TMTC2: variants seen among roughly 807,000 people sequenced by gnomAD.
TMTC2 encodes protein O-mannosyl-transferase TMTC2.
Under a neutral mutation model 82.4 loss-of-function variants are expected in TMTC2, and 43 were observed. The observed-to-expected ratio is 0.52, with a 90% confidence interval of 0.41 to 0.67. The LOEUF (loss-of-function observed/expected upper bound fraction) is 0.67. Among genes scored for constraint, TMTC2 ranks in the 30% least tolerant of loss-of-function variants. TMTC2 has a pLI of 0.00. For missense variants in TMTC2, 919 were observed against 1,012.4 expected (o/e 0.91, Z 1.25); for synonymous variants, 408 against 381.9 (o/e 1.07, Z -0.80).
At chr12:82,899,551 T>C (rs955078088) in intron 3 of TMTC2, among the ~76,000 whole-genome samples, 1 of 143,850 alleles carries the variant, frequency 7.0e-6, no homozygotes, top group Non-Finnish European at 1.5e-5. Flanking sequence ...AATATATATA[T>C]ATAAGAATAT....
chr12:82,935,139 T>C (rs139622278), intron 4 of TMTC2, among the ~76,000 whole-genome samples: 164 of 152,266 alleles, frequency 1.1e-3, no homozygotes, highest in Admixed American at 4.2e-3. Flanking sequence ...AAAAATATCA[T>C]TGGGTTTGCA....
intron 4 of TMTC2, among the ~76,000 whole-genome samples, chr12:82,937,750 GTATATATATATATATATA>G (rs1162321741): frequency 0.02 from 2,146 of 105,852 alleles, 49 homozygotes; most frequent in South Asian, 0.044. Context: ...GTGTGTGTGT[GTATATATATATATATATA>G]TATATATATA....
chr12:82,946,900 C>G (rs1257252922), intron 4 of TMTC2, among the ~76,000 whole-genome samples: 2 of 152,036 alleles, frequency 1.3e-5, no homozygotes, highest in African/African-American at 4.8e-5. Flanking sequence ...CGCCACCACC[C>G]CGGGCTAATT....
chr12:82,804,336 A>G lies in TMTC2; in HGVS notation c.84-52674A>G, dbSNP rs147207615. ...GGAGTTAAGGCATCTATAAGTGTTC[A>G]GAAAGTGGAGACTGCTTTTATTGAC... On this transcript the variant is annotated intron_variant, in intron 1 of 11. Coordinates refer to ENST00000321196, the MANE Select transcript of TMTC2 (RefSeq NM_152588.3). Among the ~76,000 whole-genome samples, 745 of 152,264 alleles carry G rather than the reference A, an allele frequency of 4.9e-3. 5 individuals carry two copies. The highest frequency in any genetic ancestry group is 0.017 in the African/African-American group (692 of 41,574).
chr12:82,853,474 G>T (rs12304446), intron 1 of TMTC2, among the ~76,000 whole-genome samples: 5,208 of 152,162 alleles, frequency 0.034, 309 homozygotes, highest in African/African-American at 0.12. Flanking sequence ...ACCCTTTTTG[G>T]TGGAGGGTCT....
intron 3 of TMTC2, among the ~76,000 whole-genome samples, chr12:82,918,432 G>A (rs575532337): frequency 2.3e-4 from 35 of 152,250 alleles, no homozygotes; most frequent in African/African-American, 7.9e-4. Context: ...ATGCAGTTAA[G>A]TACTTCAATT....
chr12:82,883,258 T>C (rs1872927998), intron 2 of TMTC2, among the ~76,000 whole-genome samples: 1 of 152,134 alleles, frequency 6.6e-6, no homozygotes, highest in South Asian at 2.1e-4. Context: ...GAATTTACTA[T>C]TTAAATTCTG....
chr12:82,874,355 G>A (rs1319641450), intron 2 of TMTC2, among the ~76,000 whole-genome samples: 1 of 152,118 alleles, frequency 6.6e-6, no homozygotes, highest in Non-Finnish European at 1.5e-5. Flanking sequence ...GATGCTTCAG[G>A]ACCAAATTGC....
At chr12:82,726,105 TA>T (rs951744088) in intron 1 of TMTC2, among the ~76,000 whole-genome samples, 33 of 152,142 alleles carry the variant, frequency 2.2e-4, no homozygotes, top group Admixed American at 5.9e-4. Context: ...TGTTTTGGGG[TA>T]AAATATTTTG....
chr12:82,763,054 G>A (rs917590387), intron 1 of TMTC2, among the ~76,000 whole-genome samples: 1 of 151,932 alleles, frequency 6.6e-6, no homozygotes, highest in Non-Finnish European at 1.5e-5. Context: ...GTGCCAAGTA[G>A]TATAATAGTT....
At chr12:83,044,402 G>A in intron 9 of TMTC2, among the ~76,000 whole-genome samples, 1 of 152,192 alleles carries the variant, frequency 6.6e-6, no homozygotes, top group East Asian at 1.9e-4. Flanking sequence ...AACAGTAAGA[G>A]AGGGTGGGGA....
At chr12:82,780,535 G>A (rs113804083) in intron 1 of TMTC2, among the ~76,000 whole-genome samples, 6,729 of 151,980 alleles carry the variant, frequency 0.044, 234 homozygotes, top group Middle Eastern at 0.14. Flanking sequence ...TATTAAAAGC[G>A]TAAGTAATAT....
At chr12:82,900,866 TATATATATAGGAATATATATACCTGGA>T in intron 3 of TMTC2, among the ~76,000 whole-genome samples, 1 of 129,102 alleles carries the variant, frequency 7.7e-6, no homozygotes, top group African/African-American at 2.8e-5. Flanking sequence ...ACCTGGAATA[TATATATATAGGAATATATATACCTGGA>T]ATATATATAT....
At position 82,965,596 on chromosome 12, in the gene TMTC2, A is replaced by C. The variant is rs756735754; in HGVS notation, c.1721A>C (p.Gln574Pro). The change falls in exon 6 of 12, where the codon CAA (glutamine) becomes CCA (proline). Residue 574 changes from glutamine to proline, a missense_variant. By Grantham distance (76) the Gln-to-Pro change is moderately conservative (BLOSUM62 -1). Coordinates refer to ENST00000321196, the MANE Select transcript of TMTC2 (RefSeq NM_152588.3). ...AATACCGGTATTATTCTAATGAACC[A>C]AGGAAGGACGGAAGAAGCCCGACGG... ...YLNTGIILMN[Q>P]GRTEEARRTF... The C allele has an allele frequency of 4.3e-6, 7 of 1,613,772 alleles. No individual in the cohort carries two copies. Among genetic ancestry groups the C allele is most frequent in the Non-Finnish European group, 5.9e-6 (7 of 1,179,722 alleles).
chr12:82,969,420 T>C (rs1288260589), intron 7 of TMTC2, among the ~76,000 whole-genome samples: 1 of 152,164 alleles, frequency 6.6e-6, no homozygotes, highest in Non-Finnish European at 1.5e-5. Flanking sequence ...TTCTATTTTT[T>C]TCTTTTGTTT....
chr12:82,698,965 A>G (rs1394424915), intron 1 of TMTC2, among the ~76,000 whole-genome samples: 1 of 152,188 alleles, frequency 6.6e-6, no homozygotes, highest in Non-Finnish European at 1.5e-5. Flanking sequence ...ACTCAGAACA[A>G]TGTGCCCTTT....
At chr12:83,057,324 C>T (rs747759339) in intron 10 of TMTC2, among the ~76,000 whole-genome samples, 93 of 151,814 alleles carry the variant, frequency 6.1e-4, no homozygotes, top group Non-Finnish European at 1.2e-3. Context: ...GTAGTTTTTT[C>T]TTCTTATTGC....
At chr12:83,048,788 A>G (rs1463577568) in intron 9 of TMTC2, among the ~76,000 whole-genome samples, 6 of 152,072 alleles carry the variant, frequency 3.9e-5, no homozygotes, top group Admixed American at 3.9e-4. Flanking sequence ...CCTGCCTCGG[A>G]CACCCTAGTA....
At chr12:82,715,631 T>G (rs1873860485) in intron 1 of TMTC2, among the ~76,000 whole-genome samples, 1 of 152,150 alleles carries the variant, frequency 6.6e-6, no homozygotes, top group Non-Finnish European at 1.5e-5. Flanking sequence ...TTCTTTTCTT[T>G]GTTGGGTCTG....
Sources: allele counts gnomAD v4.1 joint callset (sites outside exome capture counted in the v4.1 genomes callset), GRCh38; gene constraint gnomAD v4.1.1; transcripts MANE v1.5; gene names NCBI Gene and HGNC (gene_info 2026-07-23, HGNC 2026-07-21).